Variants in BRSK2 observed in about 807,000 individuals in gnomAD.
BRSK2 encodes serine/threonine-protein kinase BRSK2.
BRSK2 carries 19 observed loss-of-function variants against 83.3 expected under a neutral mutation model. The ratio of observed to expected loss-of-function variants is 0.23; its 90% confidence interval spans 0.16 to 0.33. The LOEUF is 0.33. BRSK2 is among the 10% of genes least tolerant of loss of function. The probability of loss-of-function intolerance (pLI) is 1.00; values close to 1 mark genes in which losing one functional copy is unlikely to be tolerated. For synonymous variants in BRSK2, 519 were observed against 435.4 expected (o/e 1.19, Z -2.39); for missense variants, 798 against 1,042.3 (o/e 0.77, Z 3.23).
At chr11:1,424,762 G>A (rs961393024) in intron 1 of BRSK2, among the ~76,000 whole-genome samples, 1 of 152,020 alleles carries the variant, frequency 6.6e-6, no homozygotes, top group Non-Finnish European at 1.5e-5. Context: ...GGGCCCTGTG[G>A]AGCCTGCTGG....
At chr11:1,420,590 C>T (rs946763122) in intron 1 of BRSK2, among the ~76,000 whole-genome samples, 1 of 152,176 alleles carries the variant, frequency 6.6e-6, no homozygotes, top group South Asian at 2.1e-4. Flanking sequence ...TGGGCCTGGG[C>T]CCCTCCATGC....
chr11:1,447,893 C>G (rs1199729592), intron 12 of BRSK2: 2 of 1,573,204 alleles, frequency 1.3e-6, no homozygotes, highest in South Asian at 2.3e-5. Flanking sequence ...GTCCCCGCAC[C>G]TCCCAGCCCC....
chr11:1,390,414 C>T lies in BRSK2; in HGVS notation c.91+39C>T, dbSNP rs1845648022. On this transcript the variant is annotated intron_variant, in intron 1 of 19. Coordinates refer to ENST00000528841, the MANE Select transcript of BRSK2 (RefSeq NM_001256627.2). This position sits in a 1 kb window ranked among gnomAD's most constrained non-coding sequence, Gnocchi z 6.8. ...GGGCGGGGACCGGGGCCGGGGAGGC[C>T]GCGCTGGCAGCGCGCTGGGTGGGGG... 1.0e-6 allele frequency: 1 copy of T among 992,776 alleles called. No homozygotes were observed. The highest frequency in any genetic ancestry group is 5.1e-4 in the Middle Eastern group (1 of 1,962). The allele number at this position is 992,776 out of a possible 1,614,324, so 61.5% of individuals were successfully genotyped here. A position where few individuals can be genotyped will look rare whatever the true frequency, so the allele number is the denominator to read the frequency against.
At chr11:1,440,959 C>T (rs779053345) in intron 4 of BRSK2, 31 bp downstream of exon 4, 1 of 1,588,232 alleles carries the variant, frequency 6.3e-7, no homozygotes, top group Non-Finnish European at 8.6e-7. Flanking sequence ...CCCCCCACTC[C>T]CCAGGGACCC....
At chr11:1,425,220 C>T (rs1030637364) in intron 1 of BRSK2, among the ~76,000 whole-genome samples, 16 of 152,204 alleles carry the variant, frequency 1.1e-4, no homozygotes, top group Admixed American at 4.6e-4. Flanking sequence ...CAGGTGGCTT[C>T]GGCTTAAGGC....
intron 1 of BRSK2, among the ~76,000 whole-genome samples, chr11:1,393,449 G>C (rs1371486160): frequency 6.6e-6 from 1 of 152,142 alleles, no homozygotes; most frequent in Non-Finnish European, 1.5e-5. Flanking sequence ...TCCTCTGTCT[G>C]GGGGGCGGGA....
rs1590746693 is a variant in BRSK2 at position 1,461,318 on chromosome 11, GCCT to G, written c.*600_*602del. On this transcript the variant is annotated 3_prime_UTR_variant, in exon 20 of 20. Coordinates refer to ENST00000528841, the MANE Select transcript of BRSK2 (RefSeq NM_001256627.2). ...CACCGCCTCCACGCCGCACCTGGAGGCCTCCTCGCAGGCCCGTGCCCCGCCTCC... is the reference window on the plus strand; with the variant it reads ...CACCGCCTCCACGCCGCACCTGGAGGCCTCGCAGGCCCGTGCCCCGCCTCC... The G allele has an allele frequency of 7.3e-6, 3 of 410,442 alleles. No homozygotes were observed. In the South Asian group the frequency reaches 8.0e-5, roughly 11 times the overall value. 25.4% of individuals were successfully genotyped at this position (410,442 alleles called of 1,614,324 possible). A position where few individuals can be genotyped will look rare whatever the true frequency, so the allele number is the denominator to read the frequency against.
At chr11:1,415,331 T>C (rs1847990249) in intron 1 of BRSK2, among the ~76,000 whole-genome samples, 1 of 152,152 alleles carries the variant, frequency 6.6e-6, no homozygotes, top group Admixed American at 6.5e-5. Flanking sequence ...CCTGACCTCA[T>C]GATCCGCCCG....
rs190645620 is a variant in BRSK2 at position 1,423,583 on chromosome 11, C to T, written c.92-12457C>T. On this transcript the variant is annotated intron_variant, in intron 1 of 19. Transcript: ENST00000528841. The surrounding 1 kb of genome is among the most constrained non-coding windows in gnomAD (Gnocchi z 6.5). ...AGACCCGGTCACCGAACAGCAGAGA[C>T]GTGCTCTTTCACATTCTGGAGGCGG... is the stretch of plus-strand genomic sequence containing the variant. 1.3e-4 allele frequency among the ~76,000 whole-genome samples: 20 copies of T among 152,280 alleles called. No individual in the cohort carries two copies. Among genetic ancestry groups the T allele is most frequent in the Non-Finnish European group, 2.4e-4 (16 of 68,006 alleles).
chr11:1,392,072 G>A (rs1337534864), intron 1 of BRSK2, among the ~76,000 whole-genome samples: 1 of 152,208 alleles, frequency 6.6e-6, no homozygotes, highest in Admixed American at 6.5e-5. Flanking sequence ...CGGGCAGAGC[G>A]CAAGCGTGTC....
intron 9 of BRSK2, 100 bp downstream of exon 9, chr11:1,445,102 G>T: frequency 6.5e-7 from 1 of 1,536,026 alleles, no homozygotes. Flanking sequence ...CCCAGCGCAG[G>T]TCCTGCCCTG....
chr11:1,393,409 A>G lies in BRSK2; in HGVS notation c.91+3034A>G, dbSNP rs998185006. On this transcript the variant is annotated intron_variant, in intron 1 of 19. Transcript: ENST00000528841. ...TCTTGGGGGCAGGCGGGTGGGCTGC[A>G]TGGGACGATGAGGGGCCTGCCTTCG... Among the ~76,000 whole-genome samples the G allele has an allele frequency of 3.3e-5, 5 of 152,036 alleles. No homozygotes were observed. The East Asian group carries it at 5.8e-4, about 18-fold the overall frequency.
intron 13 of BRSK2, 49 bp from the exon 14 acceptor site, chr11:1,450,538 C>T (rs759092074): frequency 2.9e-5 from 29 of 1,005,682 alleles, no homozygotes; most frequent in Middle Eastern, 2.1e-4. Context: ...CCCCCCGGCC[C>T]CCACCCGCCG....
intron 1 of BRSK2, among the ~76,000 whole-genome samples, chr11:1,424,445 G>C (rs965584949): frequency 2.6e-5 from 4 of 152,242 alleles, no homozygotes; most frequent in Admixed American, 1.3e-4. Flanking sequence ...CCTCCAGGCA[G>C]ACAGTGGAGG....
intron 18 of BRSK2, 57 bp from the exon 19 acceptor site, chr11:1,459,135 A>G: frequency 6.4e-7 from 1 of 1,569,420 alleles, no homozygotes; most frequent in Non-Finnish European, 8.8e-7. Flanking sequence ...TCCAGCCAGA[A>G]GGCCCAGGAC....
In BRSK2 at chr11:1,389,947, T is replaced by G. The variant is rs1342852779; in HGVS notation, c.-338T>G. 6.7e-6 allele frequency: 1 copy of G among 149,234 alleles called. No homozygotes were observed. The highest frequency in any genetic ancestry group is 1.5e-5 in the Non-Finnish European group (1 of 66,880). 9.2% of individuals were successfully genotyped at this position (149,234 alleles called of 1,614,324 possible). A position where few individuals can be genotyped will look rare whatever the true frequency, so the allele number is the denominator to read the frequency against. Reference sequence around the variant, plus strand: ...TCGGCTCGGCTCGGCTCGGCTCGGCTGCGCGGCCGCTGACGGGCGTGCGCT... The same window carrying G: ...TCGGCTCGGCTCGGCTCGGCTCGGCGGCGCGGCCGCTGACGGGCGTGCGCT... On this transcript the variant is annotated 5_prime_UTR_variant, in exon 1 of 20. Transcript: ENST00000528841. This position sits in a 1 kb window ranked among gnomAD's most constrained non-coding sequence, Gnocchi z 4.1.
intron 8 of BRSK2, among the ~76,000 whole-genome samples, chr11:1,444,192 GGGCA>G (rs1362798406): frequency 0.026 from 4,000 of 152,200 alleles, 63 homozygotes; most frequent in Non-Finnish European, 0.033. Context: ...GACGCTGCTG[GGGCA>G]AGCTCCAGGC....
At chr11:1,453,895 C>T (rs1272855049) in intron 15 of BRSK2, 1 of 152,888 alleles carries the variant, frequency 6.5e-6, no homozygotes, top group East Asian at 1.9e-4. Context: ...AGAGGCGCCT[C>T]TGGCCATGGT....
At position 1,445,546 on chromosome 11, in the gene BRSK2, G is replaced by A. The variant is rs373819818; in HGVS notation, c.978-25G>A. On this transcript the variant is annotated intron_variant, in intron 10 of 19. Coordinates refer to ENST00000528841, the MANE Select transcript of BRSK2 (RefSeq NM_001256627.2). The stretch of plus-strand genomic sequence containing the variant: ...AGCCGGCGGCCCCGTGTGCCAGCGC[G>A]TCTCGCGCCTCTCGCCCGCTGTAGG... The A allele has an allele frequency of 1.5e-4, 241 of 1,593,394 alleles. 1 individual carries two copies. Among genetic ancestry groups the A allele is most frequent in the Middle Eastern group, 3.3e-4 (2 of 6,040 alleles).
Sources: allele counts gnomAD v4.1 joint callset (sites outside exome capture counted in the v4.1 genomes callset), GRCh38; gene constraint gnomAD v4.1.1; non-coding constraint Gnocchi (gnomAD v3.1); transcripts MANE v1.5; gene names NCBI Gene and HGNC (gene_info 2026-07-23, HGNC 2026-07-21).